The following PIGU variants were observed in gnomAD, a reference collection of about 807,000 sequenced individuals.
PIGU encodes the protein phosphatidylinositol glycan anchor biosynthesis class U, also known as GPI-anchor transamidase component PIGU.
In PIGU, 24 loss-of-function variants were observed where a neutral mutation model predicts 49.9. The observed-to-expected ratio is 0.48, with a 90% CI of 0.35 to 0.68. The LOEUF is 0.68. PIGU is among the 30% of genes least tolerant of loss of function. PIGU has a pLI of 0.01. For missense variants in PIGU, 490 were observed against 532.6 expected (o/e 0.92, Z 0.79); for synonymous variants, 220 against 205.7 (o/e 1.07, Z -0.59).
Position 34,581,470 on chromosome 20 carries a change from T to C in PIGU, c.1051+78A>G, listed in dbSNP as rs1983459197. 1.0e-5 allele frequency: 16 copies of C among 1,555,568 alleles called. No homozygotes were observed. The South Asian group carries it at 1.5e-4, about 15-fold the overall frequency. On this transcript the variant is annotated intron_variant, in intron 10 of 11. Coordinates refer to ENST00000217446, the MANE Select transcript of PIGU (RefSeq NM_080476.5). Reference sequence around the variant, plus strand: ...GCATAACAGGTGCCTGGTAAATGCCTATGAATTCCTTTTCCCTGCAGCAGT... The same window carrying C: ...GCATAACAGGTGCCTGGTAAATGCCCATGAATTCCTTTTCCCTGCAGCAGT...
intron 11 of PIGU, among the ~76,000 whole-genome samples, chr20:34,565,466 TA>T (rs1982708625): frequency 6.6e-6 from 1 of 151,970 alleles, no homozygotes; most frequent in Admixed American, 6.6e-5. Context: ...TTCACCATGA[TA>T]GCCAGGATGG....
chr20:34,615,178 T>C (rs1984960546), intron 7 of PIGU, among the ~76,000 whole-genome samples: 1 of 152,246 alleles, frequency 6.6e-6, no homozygotes, highest in Non-Finnish European at 1.5e-5. Context: ...TAATATGACC[T>C]ACTCCATAAA....
At chr20:34,569,989 C>T (rs1033235182) in intron 11 of PIGU, among the ~76,000 whole-genome samples, 7 of 152,140 alleles carry the variant, frequency 4.6e-5, no homozygotes, top group Non-Finnish European at 1.0e-4. Context: ...GCCTCAGTTT[C>T]CTCATTTGTA....
intron 1 of PIGU, among the ~76,000 whole-genome samples, chr20:34,658,833 C>G (rs1177001146): frequency 6.6e-6 from 1 of 151,788 alleles, no homozygotes; most frequent in Non-Finnish European, 1.5e-5. Context: ...GCCCCTCCGC[C>G]CGGCAGCCAC....
intron 1 of PIGU, among the ~76,000 whole-genome samples, chr20:34,666,687 C>CTTTT (rs918644106): frequency 1.9e-4 from 17 of 90,604 alleles, no homozygotes; most frequent in African/African-American, 2.6e-4. Flanking sequence ...CTGACTAATT[C>CTTTT]TTTTTTTTTT....
At chr20:34,618,825 T>C (rs1161022129) in intron 6 of PIGU, among the ~76,000 whole-genome samples, 1 of 151,998 alleles carries the variant, frequency 6.6e-6, no homozygotes, top group Non-Finnish European at 1.5e-5. Flanking sequence ...CTCAATGGTG[T>C]TTCATAAAAG....
chr20:34,657,107 A>T (rs1184252635), intron 2 of PIGU, 73 bp downstream of exon 2: 9 of 1,170,838 alleles, frequency 7.7e-6, no homozygotes, highest in Non-Finnish European at 1.1e-5. Flanking sequence ...TTTGTACAAA[A>T]CAGAGGTTAG....
chr20:34,603,711 A>G (rs369362526), intron 7 of PIGU, among the ~76,000 whole-genome samples: 5 of 152,124 alleles, frequency 3.3e-5, no homozygotes, highest in African/African-American at 1.2e-4. Flanking sequence ...CATCCTATAC[A>G]TTTCCTGCCC....
Position 34,654,874 on chromosome 20 carries a change from G to A in PIGU, c.195+2306C>T, listed in dbSNP as rs565000307. Among the ~76,000 whole-genome samples the A allele has an allele frequency of 3.1e-4, 36 of 116,918 alleles. 8 individuals are homozygous for A. Among genetic ancestry groups the A allele is most frequent in the African/African-American group, 1.0e-3 (32 of 31,420 alleles). 76.7% of individuals were successfully genotyped at this position (116,918 alleles called of 152,430 possible). A position where few individuals can be genotyped will look rare whatever the true frequency, so the allele number is the denominator to read the frequency against. On this transcript the variant is annotated intron_variant, in intron 2 of 11. Coordinates refer to ENST00000217446, the MANE Select transcript of PIGU (RefSeq NM_080476.5). The stretch of plus-strand genomic sequence containing the variant: ...ACAAAAATTAGCCAGGCATGGTGGC[G>A]CGTGCCTGTGGTCCCAGCTTCTCGG...
chr20:34,650,352 C>T (rs868183009), intron 2 of PIGU, among the ~76,000 whole-genome samples: 4 of 152,008 alleles, frequency 2.6e-5, no homozygotes, highest in Middle Eastern at 3.4e-3. Context: ...CTCACTGCAA[C>T]CTCCAACTCC....
rs6088541 is a variant in PIGU at position 34,616,108 on chromosome 20, G to A, written c.561C>T (p.Ala187=). The part of the protein sequence containing the change: ...GSAFLSAIFL[A]LATYQSLYPL... ...GGTACAGAGACTGGTATGTCGCTAA[G>A]GCAAGAAAAATAGCACTGAGGAAAG... The change falls in exon 7 of 12, where the codon GCC becomes GCT. Residue 187 remains alanine (A), a synonymous_variant. Coordinates refer to ENST00000217446, the MANE Select transcript of PIGU (RefSeq NM_080476.5). The A allele has an allele frequency of 6.2e-7, 1 of 1,612,780 alleles. No individual in the cohort carries two copies. Among genetic ancestry groups the A allele is most frequent in the Non-Finnish European group, 8.5e-7 (1 of 1,179,458 alleles).
intron 4 of PIGU, among the ~76,000 whole-genome samples, chr20:34,638,337 A>G (rs555025932): frequency 6.6e-6 from 1 of 152,288 alleles, no homozygotes; most frequent in African/African-American, 2.4e-5. Flanking sequence ...TCCCCCTGTT[A>G]TATATGTTCT....
At chr20:34,629,059 C>T (rs1985603037) in intron 6 of PIGU, among the ~76,000 whole-genome samples, 1 of 151,240 alleles carries the variant, frequency 6.6e-6, no homozygotes, top group Non-Finnish European at 1.5e-5. Flanking sequence ...CTCTGTCGCC[C>T]AGGCTGGATT....
intron 1 of PIGU, among the ~76,000 whole-genome samples, chr20:34,664,004 T>C (rs140665168): frequency 6.6e-6 from 1 of 152,352 alleles, no homozygotes; most frequent in Non-Finnish European, 1.5e-5. Flanking sequence ...ATGCTTTTGC[T>C]AGATACTGTA....
intron 7 of PIGU, among the ~76,000 whole-genome samples, chr20:34,593,303 A>G (rs1984064973): frequency 6.6e-6 from 1 of 150,800 alleles, no homozygotes; most frequent in Non-Finnish European, 1.5e-5. Flanking sequence ...GTGCCACTGC[A>G]CTCTAGCCTG....
rs139650100 is a variant in PIGU at position 34,574,713 on chromosome 20, C to T, written c.1194+391G>A. On this transcript the variant is annotated intron_variant, in intron 11 of 11. Coordinates refer to ENST00000217446, the MANE Select transcript of PIGU (RefSeq NM_080476.5). Reference sequence around the variant, plus strand: ...TATCTACTCCCTATGGGTGCTGGAACCACAGGCACCATTACAGAAAGGGGT... The same window carrying T: ...TATCTACTCCCTATGGGTGCTGGAATCACAGGCACCATTACAGAAAGGGGT... Among the ~76,000 whole-genome samples, 6 of 152,250 alleles carry T rather than the reference C, an allele frequency of 3.9e-5. No individual in the cohort carries two copies. The East Asian group carries it at 1.2e-3, about 29-fold the overall frequency.
chr20:34,587,299 C>T (rs1259761795), intron 8 of PIGU, among the ~76,000 whole-genome samples: 1 of 152,196 alleles, frequency 6.6e-6, no homozygotes, highest in Non-Finnish European at 1.5e-5. Flanking sequence ...GTCCCTCACC[C>T]TCTGAGTCCA....
chr20:34,560,718 G>T lies in PIGU; in HGVS notation c.*148C>A. The T allele has an allele frequency of 3.7e-6, 2 of 546,968 alleles. No homozygotes were observed. Among genetic ancestry groups the T allele is most frequent in the Non-Finnish European group, 6.2e-6 (2 of 321,144 alleles). 33.9% of individuals were successfully genotyped at this position (546,968 alleles called of 1,614,324 possible). On this transcript the variant is annotated 3_prime_UTR_variant, in exon 12 of 12. Coordinates refer to ENST00000217446, the MANE Select transcript of PIGU (RefSeq NM_080476.5). ...TAGGCCTTGCTGTCAGTCAGCCATGGGTCCCTTTTGGTACCAGAGACTTGT... is the reference window on the plus strand; with the variant it reads ...TAGGCCTTGCTGTCAGTCAGCCATGTGTCCCTTTTGGTACCAGAGACTTGT...
At chr20:34,666,904 T>C (rs937673057) in intron 1 of PIGU, among the ~76,000 whole-genome samples, 22 of 152,104 alleles carry the variant, frequency 1.4e-4, no homozygotes, top group African/African-American at 5.1e-4. Context: ...TTCACCGTAT[T>C]AGCCAGGATG....
Sources: gnomAD v4.1 joint callset for allele counts (sites outside exome capture counted in the v4.1 genomes callset) on GRCh38, gnomAD v4.1.1 for gene constraint, MANE v1.5 for transcripts, NCBI Gene and HGNC (gene_info 2026-07-23, HGNC 2026-07-21) for gene names.